The following RAD9B variants were observed in gnomAD, a reference collection of about 807,000 sequenced individuals.
The protein encoded by RAD9B is RAD9 checkpoint clamp component B.
In RAD9B, 41 loss-of-function variants were observed where a neutral mutation model predicts 48.3. That is an observed-to-expected ratio of 0.85 (90% CI 0.66 to 1.10). The LOEUF (loss-of-function observed/expected upper bound fraction) is 1.10. Among genes scored for constraint, RAD9B ranks in the 50% least tolerant of loss-of-function variants. The probability of loss-of-function intolerance (pLI) is 0.00; values close to 1 mark genes in which losing one functional copy is unlikely to be tolerated. For synonymous variants in RAD9B, 160 were observed against 157.9 expected (o/e 1.01, Z -0.10); for missense variants, 444 against 485.1 (o/e 0.92, Z 0.80).
At chr12:110,517,953 C>G (rs1430241390) in intron 6 of RAD9B, among the ~76,000 whole-genome samples, 4 of 152,102 alleles carry the variant, frequency 2.6e-5, no homozygotes, top group African/African-American at 9.7e-5. Flanking sequence ...CTTTGGGAGG[C>G]TGAGGCGGGT....
chr12:110,506,129 G>A (rs1420039529), intron 3 of RAD9B, among the ~76,000 whole-genome samples: 1 of 151,722 alleles, frequency 6.6e-6, no homozygotes, highest in African/African-American at 2.4e-5. Flanking sequence ...CAAGTGATCT[G>A]CCCACCTCGG....
At chr12:110,528,497 A>G (rs1390410548) in intron 10 of RAD9B, among the ~76,000 whole-genome samples, 2 of 152,254 alleles carry the variant, frequency 1.3e-5, no homozygotes, top group East Asian at 1.9e-4. Flanking sequence ...CCAAAGACTC[A>G]TAAGGCCTCA....
In RAD9B at chr12:110,532,987, A is replaced by G. The variant is rs141743535; in HGVS notation, c.*2334A>G. Among the ~76,000 whole-genome samples the G allele has an allele frequency of 5.5e-3, 831 of 152,308 alleles. 7 individuals carry two copies. The highest frequency in any genetic ancestry group is 7.1e-3 in the Non-Finnish European group (480 of 68,016). ...CAGATTTTTTTTGTAGCTTCCCTCT[A>G]TACTATACGGAAGGTGCAAAGCCTC... is the stretch of plus-strand genomic sequence containing the variant. On this transcript the variant is annotated 3_prime_UTR_variant, in exon 11 of 11. Coordinates refer to ENST00000409300, the MANE Select transcript of RAD9B (RefSeq NM_001286535.2).
intron 4 of RAD9B, among the ~76,000 whole-genome samples, chr12:110,510,266 A>C (rs553895604): frequency 1.3e-5 from 2 of 152,312 alleles, no homozygotes; most frequent in African/African-American, 4.8e-5. Flanking sequence ...AGCCCTGTGA[A>C]GACAGATTTT....
rs539023996 is a variant in RAD9B, at chr12:110,533,352, C to T, written c.*2699C>T. On this transcript the variant is annotated 3_prime_UTR_variant, in exon 11 of 11. Transcript: ENST00000409300. The stretch of plus-strand genomic sequence containing the variant: ...TCAGACATCCAAATTCAGGTAATTG[C>T]CTCTTGGGTAATAAGACAAATAATG... 4 of 152,206 alleles carry T rather than the reference C, an allele frequency of 2.6e-5. No homozygotes were observed. In the South Asian group the frequency reaches 8.3e-4, roughly 32 times the overall value. The allele number at this position is 152,206 out of a possible 1,614,324, so 9.4% of individuals were successfully genotyped here.
chr12:110,522,779 CTTCT>C (rs1324923717), intron 10 of RAD9B, among the ~76,000 whole-genome samples: 2 of 151,956 alleles, frequency 1.3e-5, no homozygotes, highest in Non-Finnish European at 2.9e-5. Flanking sequence ...AAAATGTTTC[CTTCT>C]AATTTTACTT....
chr12:110,521,098 A>G (rs2063771465), intron 9 of RAD9B, among the ~76,000 whole-genome samples: 1 of 152,182 alleles, frequency 6.6e-6, no homozygotes, highest in South Asian at 2.1e-4. Context: ...CCACTGTAAC[A>G]TTCTGGCTCA....
intron 4 of RAD9B, among the ~76,000 whole-genome samples, chr12:110,506,965 A>T (rs2063293842): frequency 6.6e-6 from 1 of 151,280 alleles, no homozygotes; most frequent in Non-Finnish European, 1.5e-5. Flanking sequence ...TCAGCCTCCC[A>T]AGTAGCTGGG....
In RAD9B at chr12:110,518,792, G is replaced by T. The variant is rs1158859045; in HGVS notation, c.702+10G>T. ...TTTCAAAGAATTGAAGGTAAATAAA[G>T]ATTTGTATCAATTTAAAATTCAAAT... On this transcript the variant is annotated intron_variant, in intron 7 of 10. Coordinates refer to ENST00000409300, the MANE Select transcript of RAD9B (RefSeq NM_001286535.2). 29 of 1,577,780 alleles carry T rather than the reference G, an allele frequency of 1.8e-5. No homozygotes were observed. The highest frequency in any genetic ancestry group is 2.5e-5 in the Non-Finnish European group (29 of 1,157,704).
At chr12:110,524,267 A>G (rs553448643) in intron 10 of RAD9B, among the ~76,000 whole-genome samples, 5 of 152,240 alleles carry the variant, frequency 3.3e-5, no homozygotes, top group Non-Finnish European at 7.3e-5. Flanking sequence ...AGTGCTTGAT[A>G]AAATTTAGTT....
intron 4 of RAD9B, among the ~76,000 whole-genome samples, chr12:110,512,054 C>T: frequency 6.6e-6 from 1 of 151,862 alleles, no homozygotes; most frequent in Non-Finnish European, 1.5e-5. Flanking sequence ...ACCATGTTGG[C>T]CAGGATTGTG....
At chr12:110,529,687 T>C (rs1029286686) in intron 10 of RAD9B, among the ~76,000 whole-genome samples, 57 of 151,818 alleles carry the variant, frequency 3.8e-4, no homozygotes, top group African/African-American at 1.4e-3. Flanking sequence ...GAGGCTGCGG[T>C]GAGACGTGAT....
intron 9 of RAD9B, among the ~76,000 whole-genome samples, chr12:110,520,644 TTTG>T (rs1565895638): frequency 1.4e-5 from 2 of 145,782 alleles, no homozygotes; most frequent in Non-Finnish European, 3.0e-5. Context: ...TTTTTTTTTT[TTTG>T]TTGTTTTTTT....
intron 6 of RAD9B, 49 bp downstream of exon 6, chr12:110,515,205 C>T (rs1448372454): frequency 1.1e-6 from 1 of 897,734 alleles, no homozygotes; most frequent in South Asian, 1.5e-5. Flanking sequence ...TACTTCCTGT[C>T]TCTCGATTAC....
At chr12:110,507,200 G>A (rs2063302946) in intron 4 of RAD9B, among the ~76,000 whole-genome samples, 1 of 151,818 alleles carries the variant, frequency 6.6e-6, no homozygotes, top group Admixed American at 6.6e-5. Context: ...TAGAAGTATT[G>A]TAAGATGATC....
intron 4 of RAD9B, chr12:110,508,281 A>C (rs1038154285): frequency 5.9e-6 from 1 of 169,254 alleles, no homozygotes; most frequent in Admixed American, 6.5e-5. Flanking sequence ...AAGTGAGATC[A>C]CATATGTAAA....
intron 10 of RAD9B, among the ~76,000 whole-genome samples, chr12:110,523,406 AAC>A (rs1388524861): frequency 6.6e-6 from 1 of 152,186 alleles, no homozygotes; most frequent in Non-Finnish European, 1.5e-5. Flanking sequence ...CAGCCTGGGC[AAC>A]AGAGTGAGAC....
At chr12:110,520,496 G>A (rs940158260) in intron 9 of RAD9B, among the ~76,000 whole-genome samples, 1 of 150,928 alleles carries the variant, frequency 6.6e-6, no homozygotes, top group Non-Finnish European at 1.5e-5. Context: ...ACAGGTGTGA[G>A]TCACCACATC....
intron 5 of RAD9B, among the ~76,000 whole-genome samples, chr12:110,514,044 C>CCTTCCTTCCTTCCTTG (rs1184228188): frequency 4.0e-5 from 6 of 151,752 alleles, no homozygotes; most frequent in Non-Finnish European, 7.4e-5. Context: ...TTCCTTCCTT[C>CCTTCCTTCCTTCCTTG]CTTCCTTCCT....
Sources: allele counts gnomAD v4.1 joint callset (sites outside exome capture counted in the v4.1 genomes callset), GRCh38; gene constraint gnomAD v4.1.1; transcripts MANE v1.5; gene names NCBI Gene and HGNC (gene_info 2026-07-23, HGNC 2026-07-21).